Variants in COL5A1 observed in about 807,000 individuals in gnomAD.
COL5A1 encodes the protein collagen type V alpha 1 chain.
COL5A1 carries 16 observed loss-of-function variants against 263.7 expected under a neutral mutation model. That is an observed-to-expected ratio of 0.06 (90% CI 0.04 to 0.09). COL5A1 has a LOEUF of 0.09. Ranked by LOEUF, COL5A1 falls within the 10% of genes least tolerant of loss-of-function variation. COL5A1 has a pLI of 1.00. For missense variants in COL5A1, 2,036 were observed against 2,540.5 expected, an observed-to-expected ratio of 0.80 and a Z score of 4.27; for synonymous variants, 1,012 against 1,004.5, an observed-to-expected ratio of 1.01 and a Z score of -0.14.
rs191456696 is a variant in COL5A1, at chr9:134,795,898, G to A, written c.2800-476G>A. On this transcript the variant is annotated intron_variant, in intron 34 of 65. Transcript: ENST00000371817. ...AAGGGCTGAGGGGCCGAGCTGGCCC[G>A]TCCCTCGGCTGACCGGAATGCACCC... Among the ~76,000 whole-genome samples the A allele has an allele frequency of 2.8e-3, 433 of 152,266 alleles. 3 individuals carry two copies. The highest frequency in any genetic ancestry group is 0.021 in the Middle Eastern group (6 of 292).
chr9:134,644,475 C>G (rs1432674804), intron 1 of COL5A1, among the ~76,000 whole-genome samples: 13 of 31,752 alleles, frequency 4.1e-4, no homozygotes, highest in Middle Eastern at 0.026. Context: ...GCAGGCGTGG[C>G]GGGGAGGGGG....
chr9:134,759,531 C>T (rs1836170138), intron 18 of COL5A1, among the ~76,000 whole-genome samples: 1 of 104,216 alleles, frequency 9.6e-6, no homozygotes, highest in South Asian at 3.2e-4. Flanking sequence ...ACACCACATA[C>T]ACCACACATG....
Position 134,780,155 on chromosome 9 carries a change from C to T in COL5A1, c.2430+9C>T, listed in dbSNP as rs1211449628. ...GCACAAAGGGCGAGAAGGTAAGTCTCTCCTTGCAGCCACGGGGCCCCCTGC... is the reference window on the plus strand; with the variant it reads ...GCACAAAGGGCGAGAAGGTAAGTCTTTCCTTGCAGCCACGGGGCCCCCTGC... On this transcript the variant is annotated intron_variant, in intron 28 of 65. Transcript: ENST00000371817. 1.2e-6 allele frequency: 2 copies of T among 1,613,240 alleles called. No homozygotes were observed. Among genetic ancestry groups the T allele is most frequent in the East Asian group, 2.2e-5 (1 of 44,882 alleles).
At chr9:134,697,873 C>T (rs950280122) in intron 2 of COL5A1, among the ~76,000 whole-genome samples, 1 of 152,168 alleles carries the variant, frequency 6.6e-6, no homozygotes, top group East Asian at 1.9e-4. Flanking sequence ...CACCTGAGGT[C>T]AGGAGTTCGA....
intron 34 of COL5A1, among the ~76,000 whole-genome samples, chr9:134,795,862 A>ATGAGT (rs1243787465): frequency 6.6e-6 from 1 of 152,136 alleles, no homozygotes; most frequent in East Asian, 1.9e-4. Context: ...TCCTGCTGGG[A>ATGAGT]TGAGTCTTCC....
chr9:134,745,445 C>T (rs1240357818), intron 11 of COL5A1, among the ~76,000 whole-genome samples: 1 of 152,186 alleles, frequency 6.6e-6, no homozygotes, highest in Non-Finnish European at 1.5e-5. Context: ...AGGAGTCTTT[C>T]TCACGTGGGC....
intron 64 of COL5A1, among the ~76,000 whole-genome samples, chr9:134,832,571 G>A (rs756931582): frequency 1.1e-4 from 16 of 152,120 alleles, no homozygotes; most frequent in Admixed American, 6.5e-4. Flanking sequence ...CCCATGCCCC[G>A]GGCCCCCCTG....
chr9:134,830,377 C>G, intron 64 of COL5A1: 3 of 619,940 alleles, frequency 4.8e-6, no homozygotes, highest in Non-Finnish European at 8.5e-6. Flanking sequence ...GTGTTTCTGC[C>G]TGGAGTAGGC....
intron 4 of COL5A1, among the ~76,000 whole-genome samples, chr9:134,718,930 C>T (rs536384835): frequency 1.4e-4 from 21 of 152,284 alleles, no homozygotes; most frequent in African/African-American, 4.3e-4. Flanking sequence ...TCTCTTTTGC[C>T]GAGGCGTGAG....
Position 134,691,061 on chromosome 9 carries a change from A to G in COL5A1, c.259A>G (p.Thr87Ala). ...CAAAGACGCGCAGCTCAGCGCACCCACCAAGCAGCTGTACCCTGGTAAGTG... is the reference window on the plus strand; with the variant it reads ...CAAAGACGCGCAGCTCAGCGCACCCGCCAAGCAGCTGTACCCTGGTAAGTG... Reference protein sequence around the residue: ...VTKDAQLSAPTKQLYPASAFP... With the variant: ...VTKDAQLSAPAKQLYPASAFP... Residue 87 changes from threonine (T) to alanine (A), a missense_variant, in exon 2 of 66, where the codon ACC becomes GCC. This residue lies in a region of COL5A1 where 600 missense variants were observed against 634.5 expected (regional missense o/e 0.95). Coordinates refer to ENST00000371817, the MANE Select transcript of COL5A1 (RefSeq NM_000093.5). 1 of 1,613,338 alleles carries G rather than the reference A, an allele frequency of 6.2e-7. No individual in the cohort carries two copies.
intron 1 of COL5A1, among the ~76,000 whole-genome samples, chr9:134,646,447 C>T (rs985629089): frequency 7.2e-5 from 11 of 152,150 alleles, no homozygotes; most frequent in African/African-American, 2.7e-4. Flanking sequence ...TAATCTTGCT[C>T]TCTTCCCTCC....
chr9:134,768,570 C>G, intron 25 of COL5A1, 107 bp downstream of exon 25: 2 of 1,164,352 alleles, frequency 1.7e-6, no homozygotes, highest in Non-Finnish European at 2.5e-6. Context: ...GGCATTGACT[C>G]ATTCTGGCTC....
rs370027859 is a variant in COL5A1 at position 134,801,121 on chromosome 9, C to G, written c.2953-833C>G. Among the ~76,000 whole-genome samples, 27 of 152,388 alleles carry G rather than the reference C, an allele frequency of 1.8e-4. 1 individual carries two copies. The East Asian group carries it at 4.6e-3, about 26-fold the overall frequency. ...AGTCGTGGCGACACCCACAGCCAAG[C>G]CAGGATCGTTATCTACGCGTGAGCA... On this transcript the variant is annotated intron_variant, in intron 37 of 65. Coordinates refer to ENST00000371817, the MANE Select transcript of COL5A1 (RefSeq NM_000093.5).
chr9:134,784,415 C>G (rs1348861706), intron 29 of COL5A1, among the ~76,000 whole-genome samples: 1 of 152,226 alleles, frequency 6.6e-6, no homozygotes, highest in African/African-American at 2.4e-5. Flanking sequence ...CTCCAGAGCC[C>G]TCTCCCCTTT....
chr9:134,794,222 G>A lies in COL5A1; in HGVS notation c.2701-860G>A, dbSNP rs553073471. The stretch of plus-strand genomic sequence containing the variant: ...GTCTGTCCCAGCAACTCAGGAGGCT[G>A]AGGCAGGAGAATCGCTTGAACCTGG... On this transcript the variant is annotated intron_variant, in intron 32 of 65. Transcript: ENST00000371817. The surrounding 1 kb of genome is among the most constrained non-coding windows in gnomAD (Gnocchi z 4.3). 1.2e-3 allele frequency among the ~76,000 whole-genome samples: 184 copies of A among 152,232 alleles called. No homozygotes were observed. The highest frequency in any genetic ancestry group is 4.2e-3 in the African/African-American group (175 of 41,542).
chr9:134,830,281 C>G (rs1839553202), intron 64 of COL5A1: 1 of 1,161,530 alleles, frequency 8.6e-7, no homozygotes, highest in Non-Finnish European at 1.2e-6. Flanking sequence ...CCACACCGCT[C>G]TTGCCAAACC....
chr9:134,759,740 A>ATG (rs1836210289), intron 18 of COL5A1, among the ~76,000 whole-genome samples: 2 of 64,440 alleles, frequency 3.1e-5, no homozygotes, highest in African/African-American at 1.4e-4. Context: ...TCATACACAC[A>ATG]CACCACACAT....
chr9:134,729,545 C>G (rs1464808440), intron 6 of COL5A1, among the ~76,000 whole-genome samples: 1 of 136,530 alleles, frequency 7.3e-6, no homozygotes, highest in African/African-American at 2.9e-5. Flanking sequence ...CATGCGGGCA[C>G]GGGTGTGCAT....
At chr9:134,739,248 G>A (rs1835214694) in intron 11 of COL5A1, among the ~76,000 whole-genome samples, 1 of 152,378 alleles carries the variant, frequency 6.6e-6, no homozygotes. Context: ...ATCCTCGGGT[G>A]TCCCTCGCCG....
Sources: allele counts gnomAD v4.1 joint callset (sites outside exome capture counted in the v4.1 genomes callset), GRCh38; gene constraint gnomAD v4.1.1; regional missense constraint gnomAD v4.1.1; non-coding constraint Gnocchi (gnomAD v3.1); transcripts MANE v1.5; gene names NCBI Gene and HGNC (gene_info 2026-07-23, HGNC 2026-07-21).